The following ALCAM variants were observed in gnomAD, a reference collection of about 807,000 sequenced individuals.
The protein encoded by ALCAM is CD166 antigen.
A neutral mutation model predicts 70.9 loss-of-function variants in ALCAM; 30 were observed. That is an observed-to-expected ratio of 0.42 (90% confidence interval 0.32 to 0.57). The LOEUF is 0.57. ALCAM is among the 20% of genes least tolerant of loss of function. ALCAM has a pLI of 0.11. For missense variants in ALCAM, 591 were observed against 695.1 expected, an observed-to-expected ratio of 0.85 and a Z score of 1.68; for synonymous variants, 249 against 242.5, an observed-to-expected ratio of 1.03 and a Z score of -0.25.
At chr3:105,426,356 G>A (rs1296085539) in intron 1 of ALCAM, among the ~76,000 whole-genome samples, 1 of 151,800 alleles carries the variant, frequency 6.6e-6, no homozygotes, top group African/African-American at 2.4e-5. Context: ...TCTTTAAAAT[G>A]TACATATAAC....
At chr3:105,570,159 C>G (rs1398256801) in intron 14 of ALCAM, among the ~76,000 whole-genome samples, 1 of 151,686 alleles carries the variant, frequency 6.6e-6, no homozygotes, top group Non-Finnish European at 1.5e-5. Context: ...AATCAATAAT[C>G]TAGAGAAAAA....
chr3:105,380,278 G>C (rs1164237545), intron 1 of ALCAM, among the ~76,000 whole-genome samples: 1 of 151,672 alleles, frequency 6.6e-6, no homozygotes, highest in Non-Finnish European at 1.5e-5. Flanking sequence ...TTGTTATGAT[G>C]AAAGAAGTTG....
intron 14 of ALCAM, among the ~76,000 whole-genome samples, chr3:105,560,138 C>T (rs1051213809): frequency 2.0e-5 from 3 of 152,158 alleles, no homozygotes; most frequent in African/African-American, 7.2e-5. Context: ...AACAAATAGT[C>T]ATCCTGCTTA....
intron 1 of ALCAM, among the ~76,000 whole-genome samples, chr3:105,504,399 G>T (rs1360122178): frequency 6.6e-6 from 1 of 152,216 alleles, no homozygotes; most frequent in Non-Finnish European, 1.5e-5. Context: ...ATCAGATCAC[G>T]TATGGGCTTG....
intron 1 of ALCAM, among the ~76,000 whole-genome samples, chr3:105,411,899 T>G (rs970634336): frequency 1.3e-5 from 2 of 151,998 alleles, no homozygotes; most frequent in African/African-American, 4.8e-5. Context: ...AGGAGGAGAA[T>G]ATTTTTATTC....
chr3:105,407,360 A>G (rs1936266197), intron 1 of ALCAM, among the ~76,000 whole-genome samples: 2 of 152,194 alleles, frequency 1.3e-5, no homozygotes, highest in South Asian at 4.1e-4. Context: ...CATATCAAAA[A>G]GATAGTCCAC....
intron 1 of ALCAM, among the ~76,000 whole-genome samples, chr3:105,498,538 T>G (rs1244479331): frequency 1.3e-5 from 2 of 152,162 alleles, no homozygotes; most frequent in Non-Finnish European, 1.5e-5. Flanking sequence ...ATCTTTCTCT[T>G]TATTAGTATA....
At chr3:105,382,357 C>G (rs1935544669) in intron 1 of ALCAM, among the ~76,000 whole-genome samples, 1 of 152,004 alleles carries the variant, frequency 6.6e-6, no homozygotes, top group South Asian at 2.1e-4. Flanking sequence ...CATTTGGGTT[C>G]TTTCCAAGTC....
At chr3:105,558,540 T>C (rs915964574) in intron 14 of ALCAM, among the ~76,000 whole-genome samples, 5 of 152,102 alleles carry the variant, frequency 3.3e-5, no homozygotes, top group Non-Finnish European at 7.4e-5. Flanking sequence ...GTTAAAGGCA[T>C]ACTTACGGGA....
chr3:105,442,995 A>AT lies in ALCAM; in HGVS notation c.73+75520dup, dbSNP rs538898362. 2.2e-3 allele frequency among the ~76,000 whole-genome samples: 338 copies of AT among 152,066 alleles called. 4 individuals carry two copies. Among genetic ancestry groups the AT allele is most frequent in the African/African-American group, 7.4e-3 (307 of 41,480 alleles). Reference sequence around the variant, plus strand: ...CAGGTCACCATGCCTGGCTAATTTAATTTTTTGTGTATAGAGATGGGGATC... The same window carrying AT: ...CAGGTCACCATGCCTGGCTAATTTAATTTTTTTGTGTATAGAGATGGGGATC... On this transcript the variant is annotated intron_variant, in intron 1 of 15. Transcript: ENST00000306107.
At chr3:105,412,526 T>C (rs1936415186) in intron 1 of ALCAM, among the ~76,000 whole-genome samples, 1 of 152,168 alleles carries the variant, frequency 6.6e-6, no homozygotes, top group African/African-American at 2.4e-5. Context: ...ATGCAAATTA[T>C]TAATCTTGTA....
chr3:105,493,779 T>C (rs1168525388), intron 1 of ALCAM, among the ~76,000 whole-genome samples: 1 of 152,208 alleles, frequency 6.6e-6, no homozygotes, highest in African/African-American at 2.4e-5. Context: ...ATTTGTATTG[T>C]GTAAACCACT....
In ALCAM at chr3:105,402,959, T is replaced by C. The variant is rs1936126398; in HGVS notation, c.73+35478T>C. ...TGCGCTTTTTTTTTTTTTTTTTTTT[T>C]TTCTTAAATGGAGTTTTGCTCTTGT... On this transcript the variant is annotated intron_variant, in intron 1 of 15. Coordinates refer to ENST00000306107, the MANE Select transcript of ALCAM (RefSeq NM_001627.4). Among the ~76,000 whole-genome samples, 6 of 150,390 alleles carry C rather than the reference T, an allele frequency of 4.0e-5. No individual in the cohort carries two copies. The South Asian group carries it at 1.3e-3, about 32-fold the overall frequency.
intron 1 of ALCAM, among the ~76,000 whole-genome samples, chr3:105,429,140 T>G (rs868486397): frequency 6.6e-6 from 1 of 151,994 alleles, no homozygotes; most frequent in South Asian, 2.1e-4. Context: ...AAAATCTATT[T>G]TGCTTTTAAA....
intron 1 of ALCAM, among the ~76,000 whole-genome samples, chr3:105,417,232 A>C (rs1283682026): frequency 6.6e-6 from 1 of 151,772 alleles, no homozygotes; most frequent in Non-Finnish European, 1.5e-5. Context: ...ACTTTTTTCC[A>C]GAAGCTTTCC....
At chr3:105,532,572 G>T (rs1290672018) in intron 4 of ALCAM, among the ~76,000 whole-genome samples, 1 of 152,110 alleles carries the variant, frequency 6.6e-6, no homozygotes. Context: ...TTGCACCATT[G>T]CATTCCATTG....
At chr3:105,521,440 T>C (rs1939541932) in intron 2 of ALCAM, among the ~76,000 whole-genome samples, 1 of 152,186 alleles carries the variant, frequency 6.6e-6, no homozygotes, top group African/African-American at 2.4e-5. Context: ...CACAACTTTT[T>C]TCCTCAGATA....
intron 1 of ALCAM, among the ~76,000 whole-genome samples, chr3:105,467,029 T>A (rs544989716): frequency 6.6e-6 from 1 of 151,520 alleles, no homozygotes; most frequent in South Asian, 2.1e-4. Flanking sequence ...TGGAGTTTAA[T>A]TCTCAACTTT....
At chr3:105,386,686 G>A (rs1389574537) in intron 1 of ALCAM, among the ~76,000 whole-genome samples, 1 of 150,888 alleles carries the variant, frequency 6.6e-6, no homozygotes, top group South Asian at 2.1e-4. Flanking sequence ...ATCTGTAATT[G>A]TTTCCTTAGT....
Sources: gnomAD v4.1 joint callset for allele counts (sites outside exome capture counted in the v4.1 genomes callset) on GRCh38, gnomAD v4.1.1 for gene constraint, MANE v1.5 for transcripts, NCBI Gene and HGNC (gene_info 2026-07-23, HGNC 2026-07-21) for gene names.